The following GPM6A variants were observed in gnomAD, a reference collection of about 807,000 sequenced individuals.
The protein encoded by GPM6A is glycoprotein M6A.
A neutral mutation model predicts 32.1 loss-of-function variants in GPM6A; 7 were observed. The ratio of observed to expected loss-of-function variants is 0.22; its 90% CI spans 0.12 to 0.41. The LOEUF is 0.41. Ranked by LOEUF, GPM6A falls within the 10% of genes least tolerant of loss-of-function variation. The probability of loss-of-function intolerance (pLI) is 1.00; values close to 1 mark genes in which losing one functional copy is unlikely to be tolerated. For synonymous variants in GPM6A, 130 were observed against 123.4 expected, an observed-to-expected ratio of 1.05 and a Z score of -0.35; for missense variants, 235 against 347.2, an observed-to-expected ratio of 0.68 and a Z score of 2.57.
intron 1 of GPM6A, among the ~76,000 whole-genome samples, chr4:175,721,461 G>A (rs1004518221): frequency 6.6e-6 from 1 of 151,466 alleles, no homozygotes; most frequent in Admixed American, 6.6e-5. Context: ...GGGTGACAGA[G>A]CGAGACTCCG....
chr4:175,918,438 C>T (rs771488299), intron 1 of GPM6A, among the ~76,000 whole-genome samples: 3 of 151,974 alleles, frequency 2.0e-5, no homozygotes, highest in Non-Finnish European at 4.4e-5. Flanking sequence ...CACAAAATAA[C>T]ATCGCAATAG....
chr4:175,985,602 G>T (rs1257730229), intron 1 of GPM6A, among the ~76,000 whole-genome samples: 1 of 152,076 alleles, frequency 6.6e-6, no homozygotes, highest in African/African-American at 2.4e-5. Flanking sequence ...GCGCTGAATA[G>T]CAATGGCAAG....
chr4:175,888,840 A>T (rs1737543672), intron 1 of GPM6A, among the ~76,000 whole-genome samples: 1 of 152,170 alleles, frequency 6.6e-6, no homozygotes, highest in Non-Finnish European at 1.5e-5. Flanking sequence ...TATAGTCAAC[A>T]TAAAGTAATA....
chr4:175,715,778 A>G (rs1745809273), intron 1 of GPM6A, among the ~76,000 whole-genome samples: 2 of 150,080 alleles, frequency 1.3e-5, no homozygotes, highest in East Asian at 2.0e-4. Context: ...AAGAATTTGT[A>G]TTTTCTGTCC....
At chr4:175,915,792 GAT>G (rs1178515541) in intron 1 of GPM6A, among the ~76,000 whole-genome samples, 2 of 152,210 alleles carry the variant, frequency 1.3e-5, no homozygotes, top group Non-Finnish European at 2.9e-5. Context: ...GCTGTCTGGT[GAT>G]ATGTTAGTCT....
At position 175,636,295 on chromosome 4, in the gene GPM6A, T is replaced by TATATAC. The variant is rs201852466; in HGVS notation, c.685-1239_685-1238insGTATAT. Among the ~76,000 whole-genome samples the TATATAC allele has an allele frequency of 6.6e-4, 88 of 133,392 alleles. 1 individual carries two copies. The highest frequency in any genetic ancestry group is 1.1e-3 in the Non-Finnish European group (68 of 63,146). 87.5% of individuals were successfully genotyped at this position (133,392 alleles called of 152,430 possible). A position where few individuals can be genotyped will look rare whatever the true frequency, so the allele number is the denominator to read the frequency against. On this transcript the variant is annotated intron_variant, in intron 6 of 6. Transcript: ENST00000393658. ...ATATATATATATATATATATATATA[T>TATATAC]ATACATATATATATGGATTAAATAA...
At chr4:175,952,841 T>G (rs1429896406) in intron 1 of GPM6A, among the ~76,000 whole-genome samples, 1 of 151,934 alleles carries the variant, frequency 6.6e-6, no homozygotes, top group East Asian at 1.9e-4. Context: ...AGCCCCACAG[T>G]TCAAGACCAG....
At chr4:175,813,351 T>G (rs1414310638), upstream of GPM6A, among the ~76,000 whole-genome samples, 1 of 152,226 alleles carries the variant, frequency 6.6e-6, no homozygotes, top group East Asian at 1.9e-4. Context: ...GCATTTGTAC[T>G]TCAGCCTACT....
At chr4:175,719,203 CTT>C (rs33963681) in intron 1 of GPM6A, among the ~76,000 whole-genome samples, 151 of 146,572 alleles carry the variant, frequency 1.0e-3, no homozygotes, top group Non-Finnish European at 1.1e-3. Flanking sequence ...TATAACACAA[CTT>C]TTTTTTTTTT....
chr4:175,699,539 C>T (rs1057259170), intron 2 of GPM6A, among the ~76,000 whole-genome samples: 1 of 152,102 alleles, frequency 6.6e-6, no homozygotes, highest in African/African-American at 2.4e-5. Context: ...TTGTCATGAC[C>T]TTAGCGAAGC....
At chr4:175,784,771 T>C (rs1216578780) in intron 1 of GPM6A, among the ~76,000 whole-genome samples, 1 of 152,108 alleles carries the variant, frequency 6.6e-6, no homozygotes, top group Non-Finnish European at 1.5e-5. Context: ...GAATGAACAG[T>C]ATTGCTAGAG....
intron 1 of GPM6A, among the ~76,000 whole-genome samples, chr4:175,833,949 A>C (rs552340338): frequency 6.6e-6 from 1 of 152,278 alleles, no homozygotes; most frequent in South Asian, 2.1e-4. Flanking sequence ...AAAATTCCCA[A>C]GTCCTTCCAG....
chr4:175,819,614 C>T (rs970206828), intron 1 of GPM6A, among the ~76,000 whole-genome samples: 2 of 151,970 alleles, frequency 1.3e-5, no homozygotes, highest in Admixed American at 6.6e-5. Flanking sequence ...AGGAGGAAAT[C>T]GAAACAAAAA....
At chr4:175,744,671 C>T (rs1732026170) in intron 1 of GPM6A, among the ~76,000 whole-genome samples, 1 of 152,100 alleles carries the variant, frequency 6.6e-6, no homozygotes, top group Non-Finnish European at 1.5e-5. Context: ...GTCCCTGGCA[C>T]ATACCGTGTA....
intron 1 of GPM6A, among the ~76,000 whole-genome samples, chr4:175,752,118 T>G (rs1732359111): frequency 6.6e-6 from 1 of 152,176 alleles, no homozygotes; most frequent in South Asian, 2.1e-4. Flanking sequence ...TTCCACATAC[T>G]AATTCAGTCT....
chr4:175,932,716 G>C (rs1240484525), intron 1 of GPM6A, among the ~76,000 whole-genome samples: 1 of 152,040 alleles, frequency 6.6e-6, no homozygotes, highest in African/African-American at 2.4e-5. Flanking sequence ...GAAGAACACT[G>C]TTTTATGGTT....
rs553933152 is a variant in GPM6A, at chr4:175,895,084, G to C, written c.-22-82835C>G. On this transcript the variant is annotated intron_variant, in intron 1 of 7. Coordinates refer to the GPM6A transcript ENST00000280187. ...CGATAGAGTGAGAAACCATGAATCA[G>C]TGAACTTTAAAGCAAACTCAAATAC... 2.0e-5 allele frequency among the ~76,000 whole-genome samples: 3 copies of C among 152,222 alleles called. No homozygotes were observed. The East Asian group carries it at 5.8e-4, about 29-fold the overall frequency.
intron 1 of GPM6A, among the ~76,000 whole-genome samples, chr4:175,933,024 AAAC>A (rs1739100912): frequency 6.6e-6 from 1 of 152,114 alleles, no homozygotes; most frequent in Non-Finnish European, 1.5e-5. Flanking sequence ...GTCTATAAAA[AAAC>A]ACCACACAAC....
At chr4:175,841,911 A>G (rs1735948495) in intron 1 of GPM6A, among the ~76,000 whole-genome samples, 9 of 152,140 alleles carry the variant, frequency 5.9e-5, no homozygotes, top group Admixed American at 5.9e-4. Flanking sequence ...CTGTCATTCC[A>G]TTTATTGTTT....
Sources: gnomAD v4.1 joint callset for allele counts (sites outside exome capture counted in the v4.1 genomes callset) on GRCh38, gnomAD v4.1.1 for gene constraint, MANE v1.5 for transcripts, NCBI Gene and HGNC (gene_info 2026-07-23, HGNC 2026-07-21) for gene names.